The following SCHIP1 variants were observed in gnomAD, a reference collection of about 807,000 sequenced individuals.
SCHIP1 encodes schwannomin-interacting protein 1.
Under a neutral mutation model 29.7 loss-of-function variants are expected in SCHIP1, and 8 were observed. The ratio of observed to expected loss-of-function variants is 0.27; its 90% confidence interval spans 0.16 to 0.49. SCHIP1 has a LOEUF of 0.49. Ranked by LOEUF, SCHIP1 falls within the 20% of genes least tolerant of loss-of-function variation. The probability of loss-of-function intolerance (pLI) is 0.99; values close to 1 mark genes in which losing one functional copy is unlikely to be tolerated. For synonymous variants in SCHIP1, 76 were observed against 94.9 expected (o/e 0.80, Z 1.16); for missense variants, 193 against 294.6 (o/e 0.66, Z 2.52).
chr3:159,835,178 A>AT (rs1259441452), upstream of SCHIP1, among the ~76,000 whole-genome samples: 2 of 152,132 alleles, frequency 1.3e-5, no homozygotes, highest in Non-Finnish European at 2.9e-5. Flanking sequence ...CCAATACTTC[A>AT]TTTTTTCTAA....
At chr3:159,694,708 T>C in the SCHIP1 span, among the ~76,000 whole-genome samples, 3 of 152,184 alleles carry the variant, frequency 2.0e-5, no homozygotes, top group Non-Finnish European at 4.4e-5. Flanking sequence ...CTGTCACTGA[T>C]TCAAGAAAGG....
chr3:159,885,914 C>G (rs924348370), intron 2 of SCHIP1, among the ~76,000 whole-genome samples: 1 of 152,236 alleles, frequency 6.6e-6, no homozygotes, highest in African/African-American at 2.4e-5. Context: ...CTCAAAGACT[C>G]AACACATTTT....
chr3:159,397,068 A>G, the SCHIP1 span, among the ~76,000 whole-genome samples: 1 of 150,270 alleles, frequency 6.7e-6, no homozygotes, highest in Admixed American at 6.7e-5. Context: ...CATTTCATTC[A>G]TTTCATCTTC....
chr3:159,774,003 A>G, the SCHIP1 span, among the ~76,000 whole-genome samples: 4 of 152,226 alleles, frequency 2.6e-5, no homozygotes, highest in African/African-American at 9.6e-5. Context: ...TCCGACTTGT[A>G]TGCCACTTAC....
the SCHIP1 span, among the ~76,000 whole-genome samples, chr3:159,277,646 G>A: frequency 1.4e-5 from 2 of 144,442 alleles, no homozygotes; most frequent in African/African-American, 4.9e-5. Flanking sequence ...TTACAGGCTG[G>A]TGCAGTGGCT....
At chr3:159,846,202 A>G (rs548871362) in intron 1 of SCHIP1, 1 of 152,306 alleles carries the variant, frequency 6.6e-6, no homozygotes, top group South Asian at 2.1e-4. Flanking sequence ...TCTGCCTTAT[A>G]GAGGGATAAT....
At chr3:159,387,450 T>C in the SCHIP1 span, 1 of 256,672 alleles carries the variant, frequency 3.9e-6, no homozygotes, top group Middle Eastern at 1.3e-3. Flanking sequence ...CTGTGAGCTC[T>C]GCAGGCTCCC....
At chr3:159,602,786 A>G in the SCHIP1 span, among the ~76,000 whole-genome samples, 2 of 152,156 alleles carry the variant, frequency 1.3e-5, no homozygotes, top group Non-Finnish European at 2.9e-5. Context: ...GGAATAAACA[A>G]GCCAAAATTA....
chr3:159,509,767 C>T, the SCHIP1 span, among the ~76,000 whole-genome samples: 4 of 152,208 alleles, frequency 2.6e-5, no homozygotes, highest in African/African-American at 9.6e-5. Flanking sequence ...GTTGAAACTT[C>T]TTTTCTTTAA....
At chr3:159,337,693 C>T in the SCHIP1 span, among the ~76,000 whole-genome samples, 3 of 152,092 alleles carry the variant, frequency 2.0e-5, 1 homozygote, top group African/African-American at 7.2e-5. Flanking sequence ...CCATTAGGGA[C>T]CACCAGTGGC....
At chr3:159,845,661 C>A (rs9821194) in intron 1 of SCHIP1, 5 of 152,160 alleles carry the variant, frequency 3.3e-5, no homozygotes, top group Non-Finnish European at 7.3e-5. Flanking sequence ...GGATCACAGT[C>A]GTGAGCCACC....
the SCHIP1 span, among the ~76,000 whole-genome samples, chr3:159,707,311 A>G: frequency 6.6e-5 from 10 of 152,230 alleles, no homozygotes; most frequent in Non-Finnish European, 1.5e-5. Flanking sequence ...GCTGAATTCC[A>G]TACCTTCCAC....
the SCHIP1 span, among the ~76,000 whole-genome samples, chr3:159,298,313 C>T: frequency 4.6e-5 from 7 of 152,304 alleles, no homozygotes; most frequent in South Asian, 4.1e-4. Flanking sequence ...CCTACAACTT[C>T]TCTCTTGTTT....
chr3:159,637,545 A>G, the SCHIP1 span, among the ~76,000 whole-genome samples: 1 of 152,198 alleles, frequency 6.6e-6, no homozygotes. Flanking sequence ...CAGGAAGGAC[A>G]TGCCAGAAAG....
chr3:159,315,374 A>G, the SCHIP1 span, among the ~76,000 whole-genome samples: 1 of 127,156 alleles, frequency 7.9e-6, no homozygotes, highest in Non-Finnish European at 1.7e-5. Context: ...AATTTTTTGT[A>G]TTTTTTTGTA....
chr3:159,469,289 A>G, the SCHIP1 span, among the ~76,000 whole-genome samples: 2 of 152,210 alleles, frequency 1.3e-5, no homozygotes, highest in Non-Finnish European at 2.9e-5. Flanking sequence ...TTAAGTAATG[A>G]TGGAGTATGG....
At chr3:159,734,461 A>G in the SCHIP1 span, among the ~76,000 whole-genome samples, 2 of 152,018 alleles carry the variant, frequency 1.3e-5, no homozygotes, top group African/African-American at 2.4e-5. Flanking sequence ...CTTTTATAAG[A>G]TAAGTCAAGG....
At chr3:159,783,770 A>G in the SCHIP1 span, among the ~76,000 whole-genome samples, 1 of 152,172 alleles carries the variant, frequency 6.6e-6, no homozygotes, top group South Asian at 2.1e-4. Flanking sequence ...TAGTTGGCAT[A>G]TTTGAGGGTT....
At chr3:159,411,798 T>C in the SCHIP1 span, among the ~76,000 whole-genome samples, 6 of 152,318 alleles carry the variant, frequency 3.9e-5, no homozygotes, top group South Asian at 1.2e-3. Flanking sequence ...TTGAGGTCTG[T>C]GTCATCTGAT....
Sources: gnomAD v4.1 joint callset for allele counts (sites outside exome capture counted in the v4.1 genomes callset) on GRCh38, gnomAD v4.1.1 for gene constraint, MANE v1.5 for transcripts, NCBI Gene and HGNC (gene_info 2026-07-23, HGNC 2026-07-21) for gene names.